PPP4R2: variants seen among roughly 807,000 people sequenced by gnomAD.
PPP4R2 encodes protein phosphatase 4 regulatory subunit 2.
A neutral mutation model predicts 47.2 loss-of-function variants in PPP4R2; 13 were observed. The observed-to-expected ratio is 0.28, with a 90% CI of 0.18 to 0.44. PPP4R2 has a LOEUF of 0.44. Among genes scored for constraint, PPP4R2 ranks in the 20% least tolerant of loss-of-function variants. The pLI is 1.00. For missense variants in PPP4R2, 421 were observed against 491.2 expected (o/e 0.86, Z 1.35); for synonymous variants, 151 against 163.3 (o/e 0.92, Z 0.57).
At chr3:73,043,985 A>G (rs538992161) in intron 2 of PPP4R2, among the ~76,000 whole-genome samples, 4 of 152,198 alleles carry the variant, frequency 2.6e-5, no homozygotes, top group Non-Finnish European at 5.9e-5. Context: ...GTGGAATCAT[A>G]CAATAGTCGT....
chr3:73,038,204 TC>T (rs2107291507), intron 2 of PPP4R2, among the ~76,000 whole-genome samples: 1 of 152,228 alleles, frequency 6.6e-6, no homozygotes, highest in East Asian at 1.9e-4. Context: ...GGAAGGTAGA[TC>T]CACTTCAGCC....
intron 2 of PPP4R2, among the ~76,000 whole-genome samples, chr3:73,029,288 A>G (rs1702125933): frequency 6.6e-6 from 1 of 152,234 alleles, no homozygotes; most frequent in Non-Finnish European, 1.5e-5. Context: ...AGACTTAAGC[A>G]TTAAAAGAAT....
At chr3:73,043,639 G>A (rs1275493275) in intron 2 of PPP4R2, among the ~76,000 whole-genome samples, 1 of 152,146 alleles carries the variant, frequency 6.6e-6, no homozygotes, top group Non-Finnish European at 1.5e-5. Context: ...CCACCCTAGT[G>A]GGTGTGAAAT....
At position 73,032,372 on chromosome 3, in the gene PPP4R2, T is replaced by TC. The variant is rs1341905137; in HGVS notation, c.117-14812dup. 4.0e-5 allele frequency among the ~76,000 whole-genome samples: 6 copies of TC among 151,882 alleles called. No individual in the cohort carries two copies. In the East Asian group the frequency reaches 1.2e-3, roughly 30 times the overall value. On this transcript the variant is annotated intron_variant, in intron 2 of 8. Transcript: ENST00000356692. Reference sequence around the variant, plus strand: ...AGCATGATCTCGGCTCATTGCAACCTCCAACTCCCTGGTTCAAGCGATTCT... The same window carrying TC: ...AGCATGATCTCGGCTCATTGCAACCTCCCAACTCCCTGGTTCAAGCGATTCT...
intron 2 of PPP4R2, among the ~76,000 whole-genome samples, chr3:73,007,106 C>T (rs1408330670): frequency 2.0e-5 from 3 of 152,238 alleles, no homozygotes; most frequent in Non-Finnish European, 4.4e-5. Context: ...AAAACTTTTA[C>T]ATCCCTGTTA....
At chr3:73,063,606 G>T (rs1207092748) in intron 5 of PPP4R2, 67 bp from the exon 6 acceptor site, 2 of 890,466 alleles carry the variant, frequency 2.2e-6, no homozygotes, top group Non-Finnish European at 3.7e-6. Context: ...TCCACCTTGG[G>T]TGACAGAGCC....
At chr3:73,019,574 A>G (rs889286172) in intron 2 of PPP4R2, among the ~76,000 whole-genome samples, 8 of 152,142 alleles carry the variant, frequency 5.3e-5, no homozygotes, top group Middle Eastern at 6.3e-3. Flanking sequence ...GGGTTTTGCC[A>G]TGTTGGCTAG....
chr3:73,005,904 G>A (rs2107211843), intron 2 of PPP4R2, among the ~76,000 whole-genome samples: 1 of 150,550 alleles, frequency 6.6e-6, no homozygotes, highest in Non-Finnish European at 1.5e-5. Context: ...GAAATGTACA[G>A]GTTGCTAAGT....
At chr3:73,013,736 T>G (rs1465022851) in intron 2 of PPP4R2, among the ~76,000 whole-genome samples, 1 of 152,176 alleles carries the variant, frequency 6.6e-6, no homozygotes, top group South Asian at 2.1e-4. Flanking sequence ...CCTCCTGGTT[T>G]CAAGCAATTT....
rs577830595 is a variant in PPP4R2 at position 73,031,845 on chromosome 3, C to G, written c.117-15341C>G. Among the ~76,000 whole-genome samples the G allele has an allele frequency of 2.2e-4, 33 of 152,318 alleles. 1 individual carries two copies. The highest frequency in any genetic ancestry group is 6.8e-3 in the Middle Eastern group (2 of 294). On this transcript the variant is annotated intron_variant, in intron 2 of 8. Coordinates refer to ENST00000356692, the MANE Select transcript of PPP4R2 (RefSeq NM_174907.4). Reference sequence around the variant, plus strand: ...TCTACTGTATTACTCAGATGTTCTCCCCATCCTGAGTTTCTTGAGGAATAA... The same window carrying G: ...TCTACTGTATTACTCAGATGTTCTCGCCATCCTGAGTTTCTTGAGGAATAA...
intron 2 of PPP4R2, among the ~76,000 whole-genome samples, chr3:73,025,824 GTC>G (rs1702052378): frequency 6.6e-6 from 1 of 152,144 alleles, no homozygotes; most frequent in Non-Finnish European, 1.5e-5. Flanking sequence ...GAGAAATTGA[GTC>G]TAATTCAAAG....
intron 2 of PPP4R2, among the ~76,000 whole-genome samples, chr3:72,998,534 G>A (rs1575831699): frequency 6.6e-6 from 1 of 152,138 alleles, no homozygotes; most frequent in South Asian, 2.1e-4. Context: ...TCAGAGTCTT[G>A]GTGGTATTTT....
chr3:73,002,284 G>A (rs1047311944), intron 2 of PPP4R2, among the ~76,000 whole-genome samples: 1 of 152,158 alleles, frequency 6.6e-6, no homozygotes, highest in African/African-American at 2.4e-5. Context: ...GCAAGGTCTT[G>A]CTGTTGCCCA....
Position 73,065,005 on chromosome 3 carries a change from T to G in PPP4R2, c.792T>G (p.Thr264=), listed in dbSNP as rs375097674. 2.9e-5 allele frequency: 46 copies of G among 1,613,808 alleles called. No individual in the cohort carries two copies. The highest frequency in any genetic ancestry group is 3.6e-5 in the Non-Finnish European group (42 of 1,179,850). The change falls in exon 8 of 9, where the codon ACT becomes ACG. Residue 264 remains threonine (T), a synonymous_variant. Transcript: ENST00000356692. ...GEVRETASQT[T]SSEISSVMVG... is the part of the protein sequence containing the mutation. ...TCAGAGAAACAGCCAGTCAAACGAC[T>G]TCCAGCGAAATTTCTTCAGTTATGG...
chr3:73,035,892 A>T (rs1401357657), intron 2 of PPP4R2, among the ~76,000 whole-genome samples: 1 of 152,182 alleles, frequency 6.6e-6, no homozygotes, highest in African/African-American at 2.4e-5. Context: ...CTGGGATTAC[A>T]GGCATGAGCC....
intron 2 of PPP4R2, among the ~76,000 whole-genome samples, chr3:73,020,493 C>T (rs1170564047): frequency 6.6e-6 from 1 of 151,790 alleles, no homozygotes; most frequent in African/African-American, 2.4e-5. Flanking sequence ...CATGCTGAAA[C>T]CCTGTCACTA....
In PPP4R2 at chr3:73,065,827, A is replaced by G. The variant is rs1206699973; in HGVS notation, c.*105A>G. 1.9e-5 allele frequency: 14 copies of G among 735,690 alleles called. No individual in the cohort carries two copies. The South Asian group carries it at 2.8e-4, about 15-fold the overall frequency. 45.6% of individuals were successfully genotyped at this position (735,690 alleles called of 1,614,324 possible). A position where few individuals can be genotyped will look rare whatever the true frequency, so the allele number is the denominator to read the frequency against. ...GGACCTTTAGTTTTACAAGAGAAGC[A>G]GGTTGTAAAATAAAGTACTTTATGG... On this transcript the variant is annotated 3_prime_UTR_variant, in exon 9 of 9. Coordinates refer to ENST00000356692, the MANE Select transcript of PPP4R2 (RefSeq NM_174907.4).
intron 3 of PPP4R2, among the ~76,000 whole-genome samples, chr3:73,055,593 C>T (rs1559566348): frequency 6.6e-6 from 1 of 151,352 alleles, no homozygotes; most frequent in East Asian, 1.9e-4. Context: ...TTTTCAGTTC[C>T]TTATATCATC....
intron 2 of PPP4R2, among the ~76,000 whole-genome samples, chr3:73,034,635 C>A (rs1033750049): frequency 1.3e-5 from 2 of 152,088 alleles, no homozygotes; most frequent in Admixed American, 6.5e-5. Context: ...TGGGTTCAAG[C>A]AATCCTCCTA....
Sources: gnomAD v4.1 joint callset for allele counts (sites outside exome capture counted in the v4.1 genomes callset) on GRCh38, gnomAD v4.1.1 for gene constraint, MANE v1.5 for transcripts, NCBI Gene and HGNC (gene_info 2026-07-23, HGNC 2026-07-21) for gene names.